ANKS1A: variants seen among roughly 807,000 people sequenced by gnomAD.
ANKS1A encodes ankyrin repeat and sterile alpha motif domain containing 1A, also known as ankyrin repeat and SAM domain-containing protein 1A.
Under a neutral mutation model 120.3 loss-of-function variants are expected in ANKS1A, and 55 were observed. The observed-to-expected ratio is 0.46, with a 90% CI of 0.37 to 0.57. The LOEUF is 0.57. Among genes scored for constraint, ANKS1A ranks in the 20% least tolerant of loss-of-function variants. The pLI is 0.00. For synonymous variants in ANKS1A, 590 were observed against 604.7 expected (o/e 0.98, Z 0.36); for missense variants, 1,123 against 1,480.3 (o/e 0.76, Z 3.96).
At chr6:34,969,807 G>C (rs1460824518) in intron 2 of ANKS1A, among the ~76,000 whole-genome samples, 2 of 152,174 alleles carry the variant, frequency 1.3e-5, no homozygotes, top group African/African-American at 4.8e-5. Flanking sequence ...GCATAGCATG[G>C]CTCAAGGTGG....
At chr6:34,901,398 A>G (rs1767343301) in intron 1 of ANKS1A, among the ~76,000 whole-genome samples, 1 of 152,146 alleles carries the variant, frequency 6.6e-6, no homozygotes, top group African/African-American at 2.4e-5. Context: ...ACTTTCCATA[A>G]TCCTTGGTAC....
chr6:34,977,965 CT>C (rs552179165), intron 3 of ANKS1A, among the ~76,000 whole-genome samples: 96 of 145,488 alleles, frequency 6.6e-4, no homozygotes, highest in Middle Eastern at 3.5e-3. Flanking sequence ...TTCTTTCTTC[CT>C]TTTTTTTTTT....
chr6:35,001,255 T>C (rs1773151228), intron 10 of ANKS1A, among the ~76,000 whole-genome samples: 1 of 152,216 alleles, frequency 6.6e-6, no homozygotes, highest in African/African-American at 2.4e-5. Context: ...GAAACATTCA[T>C]TTTACTAGAG....
intron 1 of ANKS1A, among the ~76,000 whole-genome samples, chr6:34,939,074 A>G (rs185669813): frequency 1.3e-5 from 2 of 152,324 alleles, no homozygotes; most frequent in African/African-American, 4.8e-5. Context: ...GACTGTCCTA[A>G]TAATTATGAA....
At chr6:35,080,510 C>T (rs1406455933) in intron 16 of ANKS1A, among the ~76,000 whole-genome samples, 3 of 152,226 alleles carry the variant, frequency 2.0e-5, no homozygotes, top group Non-Finnish European at 2.9e-5. Context: ...CAGGTCTCAC[C>T]CCATTGAACC....
chr6:35,041,137 G>A (rs574839376), intron 11 of ANKS1A, among the ~76,000 whole-genome samples: 1 of 152,320 alleles, frequency 6.6e-6, no homozygotes, highest in African/African-American at 2.4e-5. Context: ...CTGGGTCTTG[G>A]TCAAACGTTA....
In ANKS1A at chr6:35,091,221, G is replaced by GA. The variant is rs1778290154; in HGVS notation, c.*2613dup. ...TGTATATAAAATTGTTAATCTGTCT[G>GA]ATTTTGTCTGAATTATAAACACTTT... On this transcript the variant is annotated 3_prime_UTR_variant, in exon 24 of 24. Coordinates refer to ENST00000360359, the MANE Select transcript of ANKS1A (RefSeq NM_015245.3). 1 of 985,614 alleles carries GA rather than the reference G, an allele frequency of 1.0e-6. No homozygotes were observed. The highest frequency in any genetic ancestry group is 4.7e-5 in the South Asian group (1 of 21,294). The allele number at this position is 985,614 out of a possible 1,614,324, so 61.1% of individuals were successfully genotyped here. A position where few individuals can be genotyped will look rare whatever the true frequency, so the allele number is the denominator to read the frequency against.
chr6:35,051,091 G>C (rs1413514330), intron 11 of ANKS1A, among the ~76,000 whole-genome samples: 1 of 152,170 alleles, frequency 6.6e-6, no homozygotes, highest in Admixed American at 6.5e-5. Flanking sequence ...TGCTTTGGGA[G>C]GCTGACGCGG....
At chr6:35,045,728 TAAAGTGGGAAG>T (rs1775688889) in intron 11 of ANKS1A, among the ~76,000 whole-genome samples, 1 of 152,184 alleles carries the variant, frequency 6.6e-6, no homozygotes, top group South Asian at 2.1e-4. Context: ...TTCTCTTCTT[TAAAGTGGGAAG>T]AATGCTAGCT....
At position 35,057,039 on chromosome 6, in the gene ANKS1A, C is replaced by T. The variant is rs918073664; in HGVS notation, c.2077+2874C>T. 3.9e-5 allele frequency among the ~76,000 whole-genome samples: 6 copies of T among 152,032 alleles called. No homozygotes were observed. Among genetic ancestry groups the T allele is most frequent in the Non-Finnish European group, 7.4e-5 (5 of 68,012 alleles). ...AAAAGATCTGGGCTCTGGGGTTAGT[C>T]TGGGTAGAGGAGGAGCAGGCCCTCC... On this transcript the variant is annotated intron_variant, in intron 12 of 23. Coordinates refer to ENST00000360359, the MANE Select transcript of ANKS1A (RefSeq NM_015245.3). This position sits in a 1 kb window ranked among gnomAD's most constrained non-coding sequence, Gnocchi z 4.1.
In ANKS1A at chr6:35,083,812, C is replaced by T. The variant is rs146015392; in HGVS notation, c.2994+309C>T. ...GCAAAGGACTTTCTCTGTGTGCCAC[C>T]GTGTGGGATCCCACCTTCCTGACAC... On this transcript the variant is annotated intron_variant, in intron 20 of 23. Transcript: ENST00000360359. Among the ~76,000 whole-genome samples the T allele has an allele frequency of 2.3e-3, 348 of 152,278 alleles. 2 individuals carry two copies. Among genetic ancestry groups the T allele is most frequent in the African/African-American group, 7.1e-3 (293 of 41,560 alleles).
chr6:34,933,290 GA>G (rs1399259200), intron 1 of ANKS1A, among the ~76,000 whole-genome samples: 1 of 152,128 alleles, frequency 6.6e-6, no homozygotes, highest in African/African-American at 2.4e-5. Context: ...TGTCTTTGGC[GA>G]AATAGATTTT....
chr6:35,068,463 G>A (rs1409818945), intron 13 of ANKS1A, among the ~76,000 whole-genome samples: 1 of 152,182 alleles, frequency 6.6e-6, no homozygotes. Flanking sequence ...AGAATAGGCA[G>A]GCCCCAAAAC....
At chr6:34,896,825 G>A (rs924720912) in intron 1 of ANKS1A, among the ~76,000 whole-genome samples, 2 of 152,166 alleles carry the variant, frequency 1.3e-5, no homozygotes, top group East Asian at 1.9e-4. Context: ...TCAGCTGGGT[G>A]TGGTGGCCTG....
chr6:34,989,342 A>G (rs1468689292), intron 9 of ANKS1A, 26 bp downstream of exon 9: 2 of 1,599,470 alleles, frequency 1.3e-6, no homozygotes, highest in Non-Finnish European at 1.7e-6. Context: ...TTTATTCCCC[A>G]TTGCTGAAAT....
chr6:34,935,122 T>A (rs1026526181), intron 1 of ANKS1A, among the ~76,000 whole-genome samples: 1 of 152,238 alleles, frequency 6.6e-6, no homozygotes, highest in African/African-American at 2.4e-5. Flanking sequence ...TTTCTTGATG[T>A]GTCGCTTAGG....
In ANKS1A at chr6:34,914,475, C is replaced by T. The variant is rs116563971; in HGVS notation, c.197+24876C>T. Among the ~76,000 whole-genome samples the T allele has an allele frequency of 2.9e-3, 444 of 152,090 alleles. 1 individual carries two copies. Among genetic ancestry groups the T allele is most frequent in the African/African-American group, 9.6e-3 (399 of 41,466 alleles). On this transcript the variant is annotated intron_variant, in intron 1 of 23. Transcript: ENST00000360359. ...ATAATTTGATTTAGTGTTTTCAGGA[C>T]GACATTGTTCAGTGTATTTTTTTAT... is the stretch of plus-strand genomic sequence containing the variant.
intron 1 of ANKS1A, among the ~76,000 whole-genome samples, chr6:34,925,995 C>T (rs1233193081): frequency 6.6e-6 from 1 of 152,112 alleles, no homozygotes; most frequent in Non-Finnish European, 1.5e-5. Flanking sequence ...GAGGAATTTT[C>T]ATCAGGAATG....
chr6:35,062,336 G>C (rs1160882538), intron 13 of ANKS1A, among the ~76,000 whole-genome samples: 2 of 152,242 alleles, frequency 1.3e-5, no homozygotes, highest in Non-Finnish European at 2.9e-5. Context: ...TGAATGGCCA[G>C]GTGGGCTGTC....
Sources: gnomAD v4.1 joint callset for allele counts (sites outside exome capture counted in the v4.1 genomes callset) on GRCh38, gnomAD v4.1.1 for gene constraint, Gnocchi (gnomAD v3.1) non-coding constraint, MANE v1.5 for transcripts, NCBI Gene and HGNC (gene_info 2026-07-23, HGNC 2026-07-21) for gene names.